The following GLIS1 variants were observed in gnomAD, a reference collection of about 807,000 sequenced individuals.
The protein encoded by GLIS1 is zinc finger protein GLIS1.
Under a neutral mutation model 63.8 loss-of-function variants are expected in GLIS1, and 24 were observed. The observed-to-expected ratio is 0.38, with a 90% confidence interval of 0.27 to 0.53. The LOEUF (loss-of-function observed/expected upper bound fraction) is 0.53, where lower values mean the gene tolerates loss of function less well. Among genes scored for constraint, GLIS1 ranks in the 20% least tolerant of loss-of-function variants. The pLI, the probability that GLIS1 is intolerant of heterozygous loss-of-function variation, is 0.85. For missense variants in GLIS1, 1,036 were observed against 1,074.1 expected, an observed-to-expected ratio of 0.96 and a Z score of 0.50; for synonymous variants, 450 against 482.5, an observed-to-expected ratio of 0.93 and a Z score of 0.88.
At chr1:53,552,215 T>C (rs1644767267) in intron 4 of GLIS1, among the ~76,000 whole-genome samples, 1 of 151,898 alleles carries the variant, frequency 6.6e-6, no homozygotes, top group African/African-American at 2.4e-5. Context: ...CCCTACCAGC[T>C]CCCAGGCCTC....
Position 53,727,091 on chromosome 1 carries a change from C to A in GLIS1, c.259+10715G>T, listed in dbSNP as rs142786482. Among the ~76,000 whole-genome samples the A allele has an allele frequency of 8.3e-4, 127 of 152,324 alleles. No individual in the cohort carries two copies. The Middle Eastern group carries it at 0.01, about 12-fold the overall frequency. ...AGGAAGACTGAGGCTCAGAGTTCAA[C>A]GAACTTGCCTAAGGCCTAGCAGGTA... On this transcript the variant is annotated intron_variant, in intron 2 of 10. Transcript: ENST00000628545.
At chr1:53,609,464 T>C (rs1399448861) in intron 2 of GLIS1, among the ~76,000 whole-genome samples, 2 of 151,852 alleles carry the variant, frequency 1.3e-5, no homozygotes, top group Non-Finnish European at 2.9e-5. Flanking sequence ...AGAGATGGGG[T>C]TTTACCATAT....
intron 2 of GLIS1, among the ~76,000 whole-genome samples, chr1:53,640,195 A>G (rs1645770883): frequency 6.6e-6 from 1 of 152,200 alleles, no homozygotes; most frequent in Non-Finnish European, 1.5e-5. Context: ...TCACTGAGCC[A>G]GCTAGCTCCC....
chr1:53,545,121 C>A (rs1644684893), intron 4 of GLIS1, among the ~76,000 whole-genome samples: 1 of 152,226 alleles, frequency 6.6e-6, no homozygotes, highest in Non-Finnish European at 1.5e-5. Context: ...TGATTCCCCT[C>A]CAATTCTGTG....
chr1:53,586,505 C>T (rs1479375744), intron 4 of GLIS1, among the ~76,000 whole-genome samples: 2 of 152,184 alleles, frequency 1.3e-5, no homozygotes, highest in Non-Finnish European at 2.9e-5. Flanking sequence ...TTTTCTCTTT[C>T]GCAAATGCAA....
chr1:53,678,905 C>T (rs910100433), intron 2 of GLIS1, among the ~76,000 whole-genome samples: 12 of 152,246 alleles, frequency 7.9e-5, no homozygotes, highest in African/African-American at 2.9e-4. Context: ...TTCCAGCCCA[C>T]TTCTGCTGTC....
intron 7 of GLIS1, among the ~76,000 whole-genome samples, chr1:53,517,437 G>A (rs1162297942): frequency 1.3e-5 from 2 of 152,190 alleles, no homozygotes; most frequent in Non-Finnish European, 2.9e-5. Context: ...CCCACACTTT[G>A]AGCCACTCAC....
At chr1:53,660,960 A>T (rs1352683203) in intron 2 of GLIS1, among the ~76,000 whole-genome samples, 1 of 152,118 alleles carries the variant, frequency 6.6e-6, no homozygotes, top group African/African-American at 2.4e-5. Context: ...GCAGGATGGG[A>T]TGTGTGCTGG....
At position 53,544,085 on chromosome 1, in the gene GLIS1, C is replaced by T. The variant is rs140586075; in HGVS notation, c.1321-14133G>A. On this transcript the variant is annotated intron_variant, in intron 4 of 10. Coordinates refer to ENST00000628545, the MANE Select transcript of GLIS1 (RefSeq NM_001367484.1). ...AGCTGCGCCACCCGACTCAGAGGGA[C>T]GCCTGGAACTCATTAGCATTATGTC... 1.4e-4 allele frequency among the ~76,000 whole-genome samples: 22 copies of T among 152,238 alleles called. 1 individual carries two copies. In the East Asian group the frequency reaches 2.1e-3, roughly 15 times the overall value.
intron 4 of GLIS1, among the ~76,000 whole-genome samples, chr1:53,585,454 G>A (rs986519364): frequency 1.3e-5 from 2 of 151,042 alleles, no homozygotes; most frequent in Admixed American, 1.3e-4. Flanking sequence ...TTAGCCATTG[G>A]TCCACCCTGG....
At chr1:53,672,132 C>T (rs758657645) in intron 2 of GLIS1, among the ~76,000 whole-genome samples, 2 of 152,208 alleles carry the variant, frequency 1.3e-5, no homozygotes, top group Non-Finnish European at 2.9e-5. Context: ...CCATCCCACC[C>T]AGCCATTCTT....
chr1:53,528,846 A>C (rs1024586932), intron 5 of GLIS1, among the ~76,000 whole-genome samples: 2 of 152,060 alleles, frequency 1.3e-5, no homozygotes, highest in Non-Finnish European at 2.9e-5. Flanking sequence ...TGCAGGAAGC[A>C]TAGAGAAACC....
chr1:53,593,997 T>C, intron 4 of GLIS1, 111 bp downstream of exon 4: 1 of 1,284,136 alleles, frequency 7.8e-7, no homozygotes, highest in Non-Finnish European at 1.1e-6. Flanking sequence ...ACCACAGGGA[T>C]CTCAGCCAGC....
At position 53,648,190 on chromosome 1, in the gene GLIS1, T is replaced by TA. The variant is rs1206218177; in HGVS notation, c.260-47913dup. 1.3e-4 allele frequency among the ~76,000 whole-genome samples: 20 copies of TA among 151,404 alleles called. 1 individual carries two copies. The highest frequency in any genetic ancestry group is 1.1e-3 in the Admixed American group (17 of 15,184). ...CCCTGTCTCAAAAAAAAATAAAAAT[T>TA]AAAAAAAAGACTTGAATAGGCACTT... On this transcript the variant is annotated intron_variant, in intron 2 of 10. Transcript: ENST00000628545.
At chr1:53,726,461 G>A (rs768177266) in intron 2 of GLIS1, among the ~76,000 whole-genome samples, 7 of 152,182 alleles carry the variant, frequency 4.6e-5, no homozygotes, top group Admixed American at 2.0e-4. Context: ...GCATGGGGAC[G>A]TGGGGAACAG....
intron 4 of GLIS1, among the ~76,000 whole-genome samples, chr1:53,584,149 G>C (rs1427319631): frequency 6.6e-6 from 1 of 152,138 alleles, no homozygotes; most frequent in African/African-American, 2.4e-5. Flanking sequence ...CACCACACTA[G>C]CAACACTAAA....
chr1:53,519,261 C>G (rs495906), intron 7 of GLIS1, among the ~76,000 whole-genome samples: 116,082 of 152,052 alleles, frequency 0.76, 47,042 homozygotes, highest in East Asian at 0.98. Context: ...GACCCTCCCC[C>G]AGGCATCCAT....
chr1:53,669,196 T>C (rs923014374), intron 2 of GLIS1, among the ~76,000 whole-genome samples: 2 of 152,196 alleles, frequency 1.3e-5, no homozygotes, highest in Non-Finnish European at 2.9e-5. Context: ...TGCCTGGCCC[T>C]GGGCTCATCC....
chr1:53,696,513 A>T (rs972876029), intron 2 of GLIS1, among the ~76,000 whole-genome samples: 2 of 152,236 alleles, frequency 1.3e-5, no homozygotes, highest in Non-Finnish European at 2.9e-5. Context: ...TCTCCAAAGA[A>T]CCACAGGGTG....
Sources: gnomAD v4.1 joint callset for allele counts (sites outside exome capture counted in the v4.1 genomes callset) on GRCh38, gnomAD v4.1.1 for gene constraint, MANE v1.5 for transcripts, NCBI Gene and HGNC (gene_info 2026-07-23, HGNC 2026-07-21) for gene names.